The following SELENON variants were observed in gnomAD, a reference collection of about 807,000 sequenced individuals.
SELENON encodes selenoprotein N.
SELENON carries 44 observed loss-of-function variants against 59.5 expected under a neutral mutation model. The observed-to-expected ratio is 0.74, with a 90% CI of 0.58 to 0.95. SELENON has a LOEUF of 0.95. Ranked by LOEUF, SELENON falls within the 40% of genes least tolerant of loss-of-function variation. SELENON has a pLI of 0.00. For missense variants in SELENON, 674 were observed against 721.4 expected, an observed-to-expected ratio of 0.93 and a Z score of 0.75; for synonymous variants, 320 against 305.6, an observed-to-expected ratio of 1.05 and a Z score of -0.49.
chr1:25,809,295 A>G, intron 6 of SELENON, 145 bp downstream of exon 5: 1 of 1,275,366 alleles, frequency 7.8e-7, no homozygotes. Flanking sequence ...TCTGAGCCTC[A>G]GTTTTCTCAC....
chr1:25,801,493 C>G (rs1023968170), intron 2 of SELENON, among the ~76,000 whole-genome samples: 9 of 152,024 alleles, frequency 5.9e-5, no homozygotes, highest in Admixed American at 1.3e-4. Flanking sequence ...AAACCCCATC[C>G]CTACAAAAAT....
At chr1:25,808,389 G>A (rs532562985) in intron 4 of SELENON, among the ~76,000 whole-genome samples, 191 bp from the exon 4 acceptor site, 18 of 151,682 alleles carry the variant, frequency 1.2e-4, no homozygotes, top group African/African-American at 4.4e-4. Flanking sequence ...ACTGCAGCAG[G>A]GAGAGGAGCC....
Position 25,815,887 on chromosome 1 carries a change from G to T in SELENON, c.*169G>T. ...CCACAGCCTTGGCTCCATGGTGGCGGGTAGACAAGGGATGCCTGGGCTGAC... is the reference window on the plus strand; with the variant it reads ...CCACAGCCTTGGCTCCATGGTGGCGTGTAGACAAGGGATGCCTGGGCTGAC... On this transcript the variant is annotated 3_prime_UTR_variant, in exon 13 of 13. Coordinates refer to ENST00000361547, the MANE Select transcript of SELENON (RefSeq NM_020451.3). 1 of 647,440 alleles carries T rather than the reference G, an allele frequency of 1.5e-6. No individual in the cohort carries two copies. The allele number at this position is 647,440 out of a possible 1,614,324, so 40.1% of individuals were successfully genotyped here. A position where few individuals can be genotyped will look rare whatever the true frequency, so the allele number is the denominator to read the frequency against.
chr1:25,802,019 C>A lies in SELENON; in HGVS notation c.305C>A (p.Ser102Tyr). Reference sequence around the variant, plus strand: ...TTTTTTTTTTTTTTTGAGACAGGGTCTTGTTCTGTCACCCAGACTGGAGTG... The same window carrying A: ...TTTTTTTTTTTTTTTGAGACAGGGTATTGTTCTGTCACCCAGACTGGAGTG... The change falls in exon 3 of 13, where the codon TCT (serine) becomes TAT (tyrosine). Residue 102 changes from serine to tyrosine, a missense_variant. Transcript: ENST00000361547. 7.9e-6 allele frequency: 2 copies of A among 253,136 alleles called. No homozygotes were observed. Among genetic ancestry groups the A allele is most frequent in the South Asian group, 3.5e-5 (1 of 28,390 alleles). 15.7% of individuals were successfully genotyped at this position (253,136 alleles called of 1,614,324 possible).
At chr1:25,802,581 C>G (rs1007688077) in intron 3 of SELENON, among the ~76,000 whole-genome samples, 21 of 152,314 alleles carry the variant, frequency 1.4e-4, no homozygotes, top group Middle Eastern at 6.8e-3. Context: ...GTCTCGAACT[C>G]CTGACCTCAA....
intron 10 of SELENON, chr1:25,813,679 C>G: frequency 1.6e-6 from 1 of 642,586 alleles, no homozygotes; most frequent in Non-Finnish European, 2.9e-6. Context: ...ACCCCTAACC[C>G]TAATCTCAGC....
In SELENON at chr1:25,814,063, A is replaced by G; in HGVS notation, c.1501-14A>G. On this transcript the variant is annotated splice_polypyrimidine_tract_variant and intron_variant, in intron 11 of 12. Transcript: ENST00000361547. ...GGGGGCCGCGGCATCAGGAGTGTGCAACTGTCCCCACAGAACAACCAGGAG... is the reference window on the plus strand; with the variant it reads ...GGGGGCCGCGGCATCAGGAGTGTGCGACTGTCCCCACAGAACAACCAGGAG... The G allele has an allele frequency of 6.2e-7, 1 of 1,612,882 alleles. No individual in the cohort carries two copies. The highest frequency in any genetic ancestry group is 1.7e-5 in the Admixed American group (1 of 60,018).
At chr1:25,809,187 G>A in intron 6 of SELENON, 37 bp downstream of exon 5, 1 of 1,612,978 alleles carries the variant, frequency 6.2e-7, no homozygotes, top group South Asian at 1.1e-5. Flanking sequence ...GAGCACCGGG[G>A]AGGCATGACG....
Position 25,805,134 on chromosome 1 carries a change from T to C in SELENON, c.404-8T>C. ...GGGCAGTGCCTCTCCGATGTCTGTG[T>C]CTCATAGGGTCAACTCCCGCGGCCA... On this transcript the variant is annotated splice_polypyrimidine_tract_variant and splice_region_variant and intron_variant, in intron 3 of 12. Coordinates refer to ENST00000361547, the MANE Select transcript of SELENON (RefSeq NM_020451.3). 1 of 1,613,098 alleles carries C rather than the reference T, an allele frequency of 6.2e-7. No individual in the cohort carries two copies.
At position 25,817,255 on chromosome 1, in the gene SELENON, C is replaced by T. The variant is rs935483316; in HGVS notation, c.*1537C>T. 7 of 153,268 alleles carry T rather than the reference C, an allele frequency of 4.6e-5. No individual in the cohort carries two copies. The highest frequency in any genetic ancestry group is 1.7e-4 in the African/African-American group (7 of 41,418). 9.5% of individuals were successfully genotyped at this position (153,268 alleles called of 1,614,324 possible). On this transcript the variant is annotated 3_prime_UTR_variant, in exon 13 of 13. Transcript: ENST00000361547. ...TTTGAGACGGAGTCTTGCTCTGTCA[C>T]CCAGGCTGGAGTGCTATGGCTCGAT...
At position 25,807,608 on chromosome 1, in the gene SELENON, G is replaced by A. The variant is rs2047918966; in HGVS notation, c.538-972G>A. Among the ~76,000 whole-genome samples the A allele has an allele frequency of 6.6e-6, 1 of 152,178 alleles. No individual in the cohort carries two copies. The highest frequency in any genetic ancestry group is 2.4e-5 in the African/African-American group (1 of 41,460). Reference sequence around the variant, plus strand: ...CATCGCTGGCAGGTCCCCTGCAGGGGGTGGCAAGCCTACAAGCAGGACCCA... The same window carrying A: ...CATCGCTGGCAGGTCCCCTGCAGGGAGTGGCAAGCCTACAAGCAGGACCCA... On this transcript the variant is annotated intron_variant, in intron 4 of 12. Transcript: ENST00000361547. This position sits in a 1 kb window ranked among gnomAD's most constrained non-coding sequence, Gnocchi z 4.5.
intron 4 of SELENON, among the ~76,000 whole-genome samples, chr1:25,806,819 C>CTTT (rs889213068): frequency 2.4e-5 from 3 of 126,948 alleles, no homozygotes; most frequent in African/African-American, 8.6e-5. Context: ...GAGCCCCTTT[C>CTTT]TTTTTTTTTT....
At chr1:25,809,902 T>G in intron 7 of SELENON, 82 bp downstream of exon 6, 1 of 1,538,990 alleles carries the variant, frequency 6.5e-7, no homozygotes, top group Non-Finnish European at 8.9e-7. Context: ...AGGGGCCTCT[T>G]CTGTCTCTGC....
chr1:25,811,553 TC>T lies in SELENON; in HGVS notation c.1092+21del, dbSNP rs777520668. On this transcript the variant is annotated intron_variant, in intron 8 of 12. Coordinates refer to ENST00000361547, the MANE Select transcript of SELENON (RefSeq NM_020451.3). ...TACCCCAGGTGAGCGCACAGGAGGC[TC>T]CCATCCAGGTGGGCTCGGCTGCAGG... is the stretch of plus-strand genomic sequence containing the variant. 1 of 1,613,328 alleles carries T rather than the reference TC, an allele frequency of 6.2e-7. No individual in the cohort carries two copies. Among genetic ancestry groups the T allele is most frequent in the South Asian group, 1.1e-5 (1 of 91,076 alleles).
At chr1:25,811,069 C>T (rs1008819636) in intron 7 of SELENON, among the ~76,000 whole-genome samples, 10 of 152,332 alleles carry the variant, frequency 6.6e-5, no homozygotes, top group African/African-American at 2.2e-4. Context: ...TCCTGCTGCC[C>T]GCCAGAGGCC....
chr1:25,809,784 A>C lies in SELENON; in HGVS notation c.974A>C (p.His325Pro), dbSNP rs767266806. 1 of 1,613,904 alleles carries C rather than the reference A, an allele frequency of 6.2e-7. No individual in the cohort carries two copies. Residue 325 changes from histidine (H) to proline (P), a missense_variant, in exon 7 of 13, where the codon CAC becomes CCC. Transcript: ENST00000361547. Reference sequence around the variant, plus strand: ...ATCATCCTCTCCAAAGACGCCACCCACGTCCGCGACTTCCGGCTCTTCGTG... The same window carrying C: ...ATCATCCTCTCCAAAGACGCCACCCCCGTCCGCGACTTCCGGCTCTTCGTG...
chr1:25,815,484 AGAGGGCACAG>A lies in SELENON; in HGVS notation c.1603-62_1603-53del, dbSNP rs1398242170. ...GCATCCCTGCTTCTCCCCATAGAAG[AGAGGGCACAG>A]GGAGCCTGGGGGCCCCCCTCCGCCC... On this transcript the variant is annotated intron_variant, in intron 12 of 12. Coordinates refer to ENST00000361547, the MANE Select transcript of SELENON (RefSeq NM_020451.3). 8.0e-6 allele frequency: 11 copies of A among 1,368,900 alleles called. No homozygotes were observed. The East Asian group carries it at 2.1e-4, about 26-fold the overall frequency. 84.8% of individuals were successfully genotyped at this position (1,368,900 alleles called of 1,614,324 possible). A position where few individuals can be genotyped will look rare whatever the true frequency, so the allele number is the denominator to read the frequency against.
chr1:25,805,091 G>A, intron 3 of SELENON, 51 bp from the exon 3 acceptor site: 1 of 1,609,518 alleles, frequency 6.2e-7, no homozygotes, highest in Non-Finnish European at 8.5e-7. Context: ...TGAGGGAGAG[G>A]TGAGCCCTGT....
chr1:25,801,218 T>A, intron 2 of SELENON, 58 bp downstream of exon 2: 1 of 1,354,124 alleles, frequency 7.4e-7, no homozygotes, highest in Non-Finnish European at 1.1e-6. Context: ...GTGTCTTCAC[T>A]GAGCAGGAGC....
Sources: allele counts gnomAD v4.1 joint callset (sites outside exome capture counted in the v4.1 genomes callset), GRCh38; gene constraint gnomAD v4.1.1; non-coding constraint Gnocchi (gnomAD v3.1); transcripts MANE v1.5; gene names NCBI Gene and HGNC (gene_info 2026-07-23, HGNC 2026-07-21).